RUNDC3B: variants seen among roughly 807,000 people sequenced by gnomAD.
RUNDC3B encodes the protein RUN domain containing 3B.
RUNDC3B carries 33 observed loss-of-function variants against 58.4 expected under a neutral mutation model. The ratio of observed to expected loss-of-function variants is 0.56; its 90% confidence interval spans 0.43 to 0.75. RUNDC3B has a LOEUF of 0.75. Ranked by LOEUF, RUNDC3B falls within the 30% of genes least tolerant of loss-of-function variation. The pLI, the probability that RUNDC3B is intolerant of heterozygous loss-of-function variation, is 0.00. For synonymous variants in RUNDC3B, 193 were observed against 195.2 expected (o/e 0.99, Z 0.10); for missense variants, 501 against 535.7 (o/e 0.94, Z 0.64).
chr7:87,680,803 A>G (rs994707062), intron 2 of RUNDC3B, among the ~76,000 whole-genome samples: 1 of 150,400 alleles, frequency 6.6e-6, no homozygotes. Context: ...CAAAAAAAAG[A>G]AAAGAAAAGA....
chr7:87,692,369 A>G (rs1828096041), intron 2 of RUNDC3B, among the ~76,000 whole-genome samples: 1 of 152,318 alleles, frequency 6.6e-6, no homozygotes, highest in Admixed American at 6.5e-5. Context: ...AGGCAGGAGG[A>G]TCGCTTGAGT....
At chr7:87,752,808 G>C (rs1833100346) in intron 6 of RUNDC3B, among the ~76,000 whole-genome samples, 1 of 150,312 alleles carries the variant, frequency 6.7e-6, no homozygotes, top group African/African-American at 2.5e-5. Context: ...CAGTTTTGTT[G>C]ATCCTTTCAA....
chr7:87,664,870 A>G (rs1051253224), intron 2 of RUNDC3B, among the ~76,000 whole-genome samples: 3 of 152,170 alleles, frequency 2.0e-5, no homozygotes, highest in Non-Finnish European at 4.4e-5. Flanking sequence ...TAGATTCAAG[A>G]AGCTTAGCAA....
chr7:87,659,974 T>C (rs1487590705), intron 2 of RUNDC3B, among the ~76,000 whole-genome samples: 2 of 152,186 alleles, frequency 1.3e-5, no homozygotes, highest in African/African-American at 2.4e-5. Flanking sequence ...GAGCCTCATA[T>C]ATTGTTTTAA....
intron 7 of RUNDC3B, among the ~76,000 whole-genome samples, chr7:87,774,547 G>A (rs1005104567): frequency 1.3e-5 from 2 of 152,086 alleles, no homozygotes; most frequent in Non-Finnish European, 2.9e-5. Context: ...CAACATAAAT[G>A]TGGGAGAAAC....
intron 9 of RUNDC3B, among the ~76,000 whole-genome samples, chr7:87,811,258 A>G (rs1459645040): frequency 1.3e-5 from 2 of 151,658 alleles, no homozygotes; most frequent in Non-Finnish European, 2.9e-5. Context: ...TCATTTCCCA[A>G]TTTGGCCATA....
intron 2 of RUNDC3B, among the ~76,000 whole-genome samples, chr7:87,676,495 G>A (rs573842291): frequency 7.2e-5 from 11 of 152,150 alleles, no homozygotes; most frequent in African/African-American, 2.7e-4. Flanking sequence ...GAGGTCAGGA[G>A]TTCAAGACAA....
chr7:87,706,208 G>A (rs1829572460), intron 3 of RUNDC3B, among the ~76,000 whole-genome samples: 1 of 152,146 alleles, frequency 6.6e-6, no homozygotes, highest in African/African-American at 2.4e-5. Context: ...ACCAGGCTAA[G>A]CAAGCTGAAG....
rs748034728 is a variant in RUNDC3B, at chr7:87,829,897, C to T, written c.1238C>T (p.Thr413Ile). The change falls in exon 11 of 11, where the codon ACT becomes ATT. Residue 413 changes from threonine to isoleucine, a missense_variant. Physicochemically the swap from Thr to Ile is moderately conservative, Grantham distance 89. Coordinates refer to ENST00000394654, the MANE Select transcript of RUNDC3B (RefSeq NM_001134405.2). ...TTCTAATTTTCAGGTAAGGAAGATA[C>T]TCCCTCATTACTTGGCCTCTGTGGA... ...LNVMSEGKEDTPSLLGLCGSL... is the reference protein window; with the variant it reads ...LNVMSEGKEDIPSLLGLCGSL... The T allele has an allele frequency of 6.3e-7, 1 of 1,599,902 alleles. No individual in the cohort carries two copies. Among genetic ancestry groups the T allele is most frequent in the Non-Finnish European group, 8.5e-7 (1 of 1,172,736 alleles).
chr7:87,675,604 A>G (rs988767153), intron 2 of RUNDC3B, among the ~76,000 whole-genome samples: 1 of 148,720 alleles, frequency 6.7e-6, no homozygotes, highest in Non-Finnish European at 1.5e-5. Flanking sequence ...CAATAGGGAA[A>G]GGATAATCTC....
Position 87,778,875 on chromosome 7 carries a change from AT to A in RUNDC3B, c.956+921del, listed in dbSNP as rs147665385. 3.2e-3 allele frequency among the ~76,000 whole-genome samples: 488 copies of A among 152,310 alleles called. 6 individuals carry two copies. In the East Asian group the frequency reaches 0.049, roughly 15 times the overall value. On this transcript the variant is annotated intron_variant, in intron 8 of 10. Coordinates refer to ENST00000394654, the MANE Select transcript of RUNDC3B (RefSeq NM_001134405.2). Reference sequence around the variant, plus strand: ...CATATTAATATTTAATCTTAAAAAAATAATTTAAATTTGTTTATTTTGAAAT... The same window carrying A: ...CATATTAATATTTAATCTTAAAAAAAAATTTAAATTTGTTTATTTTGAAAT...
At chr7:87,702,142 C>CA (rs146127516) in intron 3 of RUNDC3B, among the ~76,000 whole-genome samples, 6,482 of 16,644 alleles carry the variant, frequency 0.39, 2,648 homozygotes, top group Non-Finnish European at 0.55. Context: ...GACTCTGTCT[C>CA]AAAAAAAAAA....
At chr7:87,638,371 G>GTGTGTGTGTA (rs1554449115) in intron 1 of RUNDC3B, among the ~76,000 whole-genome samples, 6 of 151,642 alleles carry the variant, frequency 4.0e-5, no homozygotes, top group Non-Finnish European at 8.8e-5. Context: ...GTGTGTGTGT[G>GTGTGTGTGTA]TGTGTGTGTT....
chr7:87,772,593 C>T (rs1375730406), intron 7 of RUNDC3B, among the ~76,000 whole-genome samples: 6 of 151,910 alleles, frequency 3.9e-5, no homozygotes, highest in African/African-American at 1.5e-4. Context: ...CCAAAATTAA[C>T]ATTTAGAAGT....
chr7:87,679,209 C>A (rs1408978549), intron 2 of RUNDC3B, among the ~76,000 whole-genome samples: 1 of 147,468 alleles, frequency 6.8e-6, no homozygotes, highest in African/African-American at 2.6e-5. Context: ...TCTCCTGCCT[C>A]AGCCTCCCAA....
At chr7:87,757,831 A>G (rs1459317908) in intron 6 of RUNDC3B, among the ~76,000 whole-genome samples, 2 of 152,196 alleles carry the variant, frequency 1.3e-5, no homozygotes. Flanking sequence ...GGAACAGAAT[A>G]GAAATCCAGA....
chr7:87,658,741 G>C (rs947124301), intron 2 of RUNDC3B, among the ~76,000 whole-genome samples: 1 of 152,138 alleles, frequency 6.6e-6, no homozygotes, highest in South Asian at 2.1e-4. Context: ...AGTGCTGAAA[G>C]ATAACTGTCA....
At chr7:87,767,000 A>T (rs1208437623) in intron 6 of RUNDC3B, among the ~76,000 whole-genome samples, 1 of 151,946 alleles carries the variant, frequency 6.6e-6, no homozygotes, top group Non-Finnish European at 1.5e-5. Context: ...CAAGCTCTGA[A>T]ATTCTTTCTT....
intron 4 of RUNDC3B, among the ~76,000 whole-genome samples, chr7:87,736,874 TATATATATATATA>T (rs1204443224): frequency 2.8e-3 from 105 of 36,864 alleles, no homozygotes; most frequent in African/African-American, 0.011. Flanking sequence ...TATATATATA[TATATATATATATA>T]TATTTTTTTT....
Sources: gnomAD v4.1 joint callset for allele counts (sites outside exome capture counted in the v4.1 genomes callset) on GRCh38, gnomAD v4.1.1 for gene constraint, MANE v1.5 for transcripts, NCBI Gene and HGNC (gene_info 2026-07-23, HGNC 2026-07-21) for gene names.